The following FHIT variants were observed in gnomAD, a reference collection of about 807,000 sequenced individuals.
FHIT encodes the protein fragile histidine triad diadenosine triphosphatase.
Under a neutral mutation model 17.9 loss-of-function variants are expected in FHIT, and 19 were observed. The observed-to-expected ratio is 1.06, with a 90% confidence interval of 0.74 to 1.56. FHIT has a LOEUF of 1.56. Ranked by LOEUF, FHIT falls within the 40% of genes most tolerant of loss-of-function variation. The pLI is 0.00. For missense variants in FHIT, 248 were observed against 189.2 expected, an observed-to-expected ratio of 1.31 and a Z score of -1.82; for synonymous variants, 81 against 69.7, an observed-to-expected ratio of 1.16 and a Z score of -0.81.
At chr3:59,876,456 A>C (rs1218559316) in intron 8 of FHIT, among the ~76,000 whole-genome samples, 1 of 151,952 alleles carries the variant, frequency 6.6e-6, no homozygotes, top group Non-Finnish European at 1.5e-5. Flanking sequence ...TGGGAGCAGC[A>C]CCCCTCCCCA....
At chr3:59,931,740 C>T (rs752681736) in intron 7 of FHIT, among the ~76,000 whole-genome samples, 45 of 152,214 alleles carry the variant, frequency 3.0e-4, no homozygotes, top group Non-Finnish European at 5.3e-4. Flanking sequence ...TGTTGAGTTT[C>T]GTGGCTTAAC....
chr3:61,223,574 A>T (rs554463771), intron 1 of FHIT, among the ~76,000 whole-genome samples: 14 of 152,306 alleles, frequency 9.2e-5, no homozygotes, highest in Middle Eastern at 6.8e-3. Flanking sequence ...AAAGTGATAA[A>T]CATTTTTGCA....
intron 5 of FHIT, among the ~76,000 whole-genome samples, chr3:60,097,024 TAA>T (rs71287192): frequency 1.1e-3 from 136 of 127,216 alleles, no homozygotes; most frequent in African/African-American, 1.1e-3. Flanking sequence ...CTGTTATTAT[TAA>T]AAAAAAAAAA....
chr3:60,536,671 G>T (rs1345800725), intron 5 of FHIT, 189 bp downstream of exon 5: 2 of 518,748 alleles, frequency 3.9e-6, no homozygotes, highest in East Asian at 6.4e-5. Flanking sequence ...GCATATTACT[G>T]GTGCCACCAA....
At chr3:60,479,476 G>A (rs1365215893) in intron 5 of FHIT, among the ~76,000 whole-genome samples, 1 of 152,188 alleles carries the variant, frequency 6.6e-6, no homozygotes, top group East Asian at 1.9e-4. Context: ...ATTGCTTAGT[G>A]ACATCCTAGC....
chr3:61,045,426 CAAG>C (rs2033735035), intron 2 of FHIT, among the ~76,000 whole-genome samples: 1 of 152,188 alleles, frequency 6.6e-6, no homozygotes, highest in Admixed American at 6.5e-5. Flanking sequence ...ATCAATTCAA[CAAG>C]AAGAGCTAAC....
chr3:60,885,546 T>C (rs1236134006), intron 3 of FHIT, among the ~76,000 whole-genome samples: 1 of 152,158 alleles, frequency 6.6e-6, no homozygotes, highest in East Asian at 1.9e-4. Flanking sequence ...CCTAAAACTC[T>C]TCATTGTTTA....
Position 60,173,915 on chromosome 3 carries a change from A to ATATATATATTTTTTTT in FHIT, c.104-159764_104-159763insAAAAAAAATATATATA. On this transcript the variant is annotated intron_variant, in intron 5 of 9. Transcript: ENST00000492590. The stretch of plus-strand genomic sequence containing the variant: ...TATATATATATATATATATATATAT[A>ATATATATATTTTTTTT]TGTTTTTTTTTTTTTTTGAGATCGA... Among the ~76,000 whole-genome samples the ATATATATATTTTTTTT allele has an allele frequency of 1.5e-3, 101 of 66,390 alleles. 2 individuals are homozygous for ATATATATATTTTTTTT. The highest frequency in any genetic ancestry group is 2.4e-3 in the Non-Finnish European group (87 of 36,080). 43.6% of individuals were successfully genotyped at this position (66,390 alleles called of 152,430 possible).
intron 3 of FHIT, among the ~76,000 whole-genome samples, chr3:60,884,172 C>G (rs1181462279): frequency 2.0e-5 from 3 of 152,244 alleles, no homozygotes; most frequent in East Asian, 1.9e-4. Flanking sequence ...GATACCATCT[C>G]ACCACAGTTA....
At chr3:61,153,306 T>C (rs756139304) in intron 2 of FHIT, among the ~76,000 whole-genome samples, 12 of 152,140 alleles carry the variant, frequency 7.9e-5, no homozygotes, top group Non-Finnish European at 1.6e-4. Context: ...CATGAAGAAA[T>C]AGATGCTAAG....
chr3:60,669,335 A>C (rs1247123980), intron 4 of FHIT, among the ~76,000 whole-genome samples: 2 of 152,216 alleles, frequency 1.3e-5, no homozygotes, highest in Non-Finnish European at 2.9e-5. Context: ...CCTGGTTCAG[A>C]ACATAGGCTC....
chr3:60,498,591 A>G (rs769509127), intron 5 of FHIT, among the ~76,000 whole-genome samples: 2 of 152,214 alleles, frequency 1.3e-5, no homozygotes, highest in Non-Finnish European at 2.9e-5. Context: ...ATGTTATTCG[A>G]CAACCTAATG....
rs1346762571 is a variant in FHIT, at chr3:60,724,981, G to T, written c.-18+96938C>A. Among the ~76,000 whole-genome samples, 4 of 152,054 alleles carry T rather than the reference G, an allele frequency of 2.6e-5. No individual in the cohort carries two copies. In the East Asian group the frequency reaches 7.7e-4, roughly 29 times the overall value. Reference sequence around the variant, plus strand: ...TCTTTTTGCTAATAACCGTCTTAGTGGGTGTGATGTGGTATCTCGTAATGG... The same window carrying T: ...TCTTTTTGCTAATAACCGTCTTAGTTGGTGTGATGTGGTATCTCGTAATGG... On this transcript the variant is annotated intron_variant, in intron 4 of 9. Transcript: ENST00000492590.
chr3:60,331,495 G>A (rs967344218), intron 5 of FHIT, among the ~76,000 whole-genome samples: 5 of 152,170 alleles, frequency 3.3e-5, no homozygotes, highest in Admixed American at 6.5e-5. Flanking sequence ...CTGCCCTCAT[G>A]CCTGCCCTAG....
intron 5 of FHIT, among the ~76,000 whole-genome samples, chr3:60,178,593 G>C (rs967557250): frequency 6.6e-6 from 1 of 151,908 alleles, no homozygotes; most frequent in African/African-American, 2.4e-5. Flanking sequence ...TGGTGGCGGT[G>C]GGGGGAGGGA....
At chr3:59,786,820 C>A (rs1235758289) in intron 8 of FHIT, among the ~76,000 whole-genome samples, 1 of 152,270 alleles carries the variant, frequency 6.6e-6, no homozygotes, top group African/African-American at 2.4e-5. Flanking sequence ...TCCCTCAATA[C>A]TCCAGCTGTT....
At chr3:60,723,797 C>G (rs1391810108) in intron 4 of FHIT, among the ~76,000 whole-genome samples, 4 of 152,168 alleles carry the variant, frequency 2.6e-5, no homozygotes, top group African/African-American at 9.7e-5. Context: ...TTGGGGACCA[C>G]CAATGCAGGG....
At chr3:60,094,520 G>C (rs578160745) in intron 5 of FHIT, among the ~76,000 whole-genome samples, 1 of 152,290 alleles carries the variant, frequency 6.6e-6, no homozygotes, top group Non-Finnish European at 1.5e-5. Context: ...CAACCACTCA[G>C]ATCCATTTCA....
chr3:60,344,664 A>G (rs1440643286), intron 5 of FHIT, among the ~76,000 whole-genome samples: 1 of 152,198 alleles, frequency 6.6e-6, no homozygotes, highest in African/African-American at 2.4e-5. Flanking sequence ...TTGTTAGAAG[A>G]TAACGTGTTG....
Sources: allele counts gnomAD v4.1 joint callset (sites outside exome capture counted in the v4.1 genomes callset), GRCh38; gene constraint gnomAD v4.1.1; transcripts MANE v1.5; gene names NCBI Gene and HGNC (gene_info 2026-07-23, HGNC 2026-07-21).